Variants in LINGO2 observed in about 807,000 individuals in gnomAD.
LINGO2 encodes leucine-rich repeat and immunoglobulin-like domain-containing nogo receptor-interacting protein 2.
Under a neutral mutation model 30.6 loss-of-function variants are expected in LINGO2, and 14 were observed. The ratio of observed to expected loss-of-function variants is 0.46; its 90% confidence interval spans 0.30 to 0.72. The LOEUF (loss-of-function observed/expected upper bound fraction) is 0.72. Among genes scored for constraint, LINGO2 ranks in the 30% least tolerant of loss-of-function variants. LINGO2 has a pLI of 0.07. For synonymous variants in LINGO2, 317 were observed against 288.5 expected (o/e 1.10, Z -1.00); for missense variants, 729 against 751.7 (o/e 0.97, Z 0.35).
chr9:28,292,486 G>A (rs532430138), intron 4 of LINGO2, among the ~76,000 whole-genome samples: 24 of 151,856 alleles, frequency 1.6e-4, no homozygotes, highest in Admixed American at 1.4e-3. Flanking sequence ...TTTTTGAGAC[G>A]GAGTCTTGCT....
chr9:28,651,542 A>G (rs1242383322), intron 1 of LINGO2, among the ~76,000 whole-genome samples: 1 of 152,082 alleles, frequency 6.6e-6, no homozygotes, highest in East Asian at 1.9e-4. Context: ...AGAGCTCTCT[A>G]AGGGCTTGAT....
chr9:28,786,496 A>T, the LINGO2 span, among the ~76,000 whole-genome samples: 2 of 152,176 alleles, frequency 1.3e-5, no homozygotes, highest in African/African-American at 4.8e-5. Flanking sequence ...TTTCCATGTA[A>T]ATATAAAGAA....
intron 4 of LINGO2, among the ~76,000 whole-genome samples, chr9:28,110,289 A>G (rs1223156507): frequency 6.6e-6 from 1 of 152,158 alleles, no homozygotes; most frequent in Non-Finnish European, 1.5e-5. Context: ...AACCATAAAA[A>G]CCCTAGAAGA....
chr9:27,966,676 A>T (rs763584345), intron 5 of LINGO2, among the ~76,000 whole-genome samples: 2 of 152,142 alleles, frequency 1.3e-5, no homozygotes, highest in Non-Finnish European at 1.5e-5. Context: ...ACCATGGCAC[A>T]TATATACCTA....
intron 4 of LINGO2, among the ~76,000 whole-genome samples, chr9:28,141,868 C>T (rs1349058320): frequency 6.6e-6 from 1 of 152,126 alleles, no homozygotes; most frequent in African/African-American, 2.4e-5. Flanking sequence ...GCCGAGATCG[C>T]GCCATTGCAC....
At chr9:27,963,378 G>A (rs1271979706) in intron 5 of LINGO2, among the ~76,000 whole-genome samples, 1 of 152,118 alleles carries the variant, frequency 6.6e-6, no homozygotes, top group Non-Finnish European at 1.5e-5. Flanking sequence ...ACAGTGATAA[G>A]GAGAGTGAAG....
chr9:29,073,639 T>C, the LINGO2 span, among the ~76,000 whole-genome samples: 1 of 152,064 alleles, frequency 6.6e-6, no homozygotes, highest in Non-Finnish European at 1.5e-5. Context: ...AACAATAGAG[T>C]TCCATAGTTG....
the LINGO2 span, among the ~76,000 whole-genome samples, chr9:28,704,102 C>A: frequency 6.6e-6 from 1 of 152,014 alleles, no homozygotes; most frequent in South Asian, 2.1e-4. Flanking sequence ...TTTTTAAAAT[C>A]ATTATTTTTA....
intron 5 of LINGO2, among the ~76,000 whole-genome samples, chr9:27,975,212 G>T (rs1820539028): frequency 6.6e-6 from 1 of 152,098 alleles, no homozygotes; most frequent in Non-Finnish European, 1.5e-5. Flanking sequence ...AGAATTTAGT[G>T]ATTGAAGTTA....
chr9:29,049,537 G>A, the LINGO2 span, among the ~76,000 whole-genome samples: 1 of 152,018 alleles, frequency 6.6e-6, no homozygotes, highest in African/African-American at 2.4e-5. Context: ...ACTAAGATTT[G>A]GAAGCAACCT....
chr9:28,705,639 T>A, the LINGO2 span, among the ~76,000 whole-genome samples: 1 of 152,156 alleles, frequency 6.6e-6, no homozygotes, highest in East Asian at 1.9e-4. Flanking sequence ...CTTTCCCTGA[T>A]CTTCACTTTG....
chr9:27,966,374 G>A (rs529024736), intron 5 of LINGO2, among the ~76,000 whole-genome samples: 11 of 152,188 alleles, frequency 7.2e-5, no homozygotes, highest in Admixed American at 2.6e-4. Context: ...TATACACCAC[G>A]GAATACTATG....
At chr9:29,004,577 T>C in the LINGO2 span, among the ~76,000 whole-genome samples, 1 of 151,986 alleles carries the variant, frequency 6.6e-6, no homozygotes, top group Non-Finnish European at 1.5e-5. Context: ...TAATTCTATA[T>C]ACTCTGTCAG....
chr9:28,928,184 T>G, the LINGO2 span, among the ~76,000 whole-genome samples: 1 of 152,198 alleles, frequency 6.6e-6, no homozygotes, highest in African/African-American at 2.4e-5. Flanking sequence ...TTCTGTTGCC[T>G]TAGAAAACTT....
intron 1 of LINGO2, among the ~76,000 whole-genome samples, chr9:28,520,215 T>A (rs926363013): frequency 6.6e-6 from 1 of 152,136 alleles, no homozygotes; most frequent in Non-Finnish European, 1.5e-5. Flanking sequence ...GAGTAGAAAC[T>A]GATATTGCAG....
At chr9:28,738,029 G>A in the LINGO2 span, among the ~76,000 whole-genome samples, 1 of 152,110 alleles carries the variant, frequency 6.6e-6, no homozygotes, top group Admixed American at 6.5e-5. Flanking sequence ...TGGTACAGGA[G>A]CTGATAACCA....
intron 4 of LINGO2, among the ~76,000 whole-genome samples, chr9:28,218,439 A>G (rs1474936387): frequency 6.6e-6 from 1 of 151,920 alleles, no homozygotes; most frequent in East Asian, 1.9e-4. Flanking sequence ...CTAGAAAACC[A>G]GTTCTGTCCA....
At chr9:28,755,958 A>T in the LINGO2 span, among the ~76,000 whole-genome samples, 1 of 152,038 alleles carries the variant, frequency 6.6e-6, no homozygotes, top group African/African-American at 2.4e-5. Context: ...TAAAAGGCAA[A>T]TTTAATTCTA....
the LINGO2 span, among the ~76,000 whole-genome samples, chr9:29,007,661 T>C: frequency 6.6e-6 from 1 of 152,012 alleles, no homozygotes; most frequent in African/African-American, 2.4e-5. Context: ...TCTCAGAAAT[T>C]GTTTCTGAGA....
Sources: allele counts gnomAD v4.1 joint callset (sites outside exome capture counted in the v4.1 genomes callset), GRCh38; gene constraint gnomAD v4.1.1; transcripts MANE v1.5; gene names NCBI Gene and HGNC (gene_info 2026-07-23, HGNC 2026-07-21).